The following MACROD2 variants were observed in gnomAD, a reference collection of about 807,000 sequenced individuals.
The protein encoded by MACROD2 is ADP-ribose glycohydrolase MACROD2.
MACROD2 carries 36 observed loss-of-function variants against 70.4 expected under a neutral mutation model. The ratio of observed to expected loss-of-function variants is 0.51; its 90% CI spans 0.39 to 0.68. The LOEUF is 0.68. Among genes scored for constraint, MACROD2 ranks in the 30% least tolerant of loss-of-function variants. The probability of loss-of-function intolerance (pLI) is 0.00; values close to 1 mark genes in which losing one functional copy is unlikely to be tolerated. For missense variants in MACROD2, 496 were observed against 538.4 expected (o/e 0.92, Z 0.78); for synonymous variants, 172 against 178.8 (o/e 0.96, Z 0.30).
intron 8 of MACROD2, among the ~76,000 whole-genome samples, chr20:15,501,220 C>T (rs1247459206): frequency 1.3e-5 from 2 of 152,162 alleles, no homozygotes; most frequent in Non-Finnish European, 2.9e-5. Context: ...GTAAATGTTC[C>T]ACACCTGGAT....
Position 14,547,195 on chromosome 20 carries a change from T to G in MACROD2, c.301+53687T>G, listed in dbSNP as rs564195598. The G allele has an allele frequency of 1.4e-5, 6 of 428,048 alleles. No homozygotes were observed. In the East Asian group the frequency reaches 4.4e-4, roughly 31 times the overall value. The allele number at this position is 428,048 out of a possible 1,614,324, so 26.5% of individuals were successfully genotyped here. A position where few individuals can be genotyped will look rare whatever the true frequency, so the allele number is the denominator to read the frequency against. On this transcript the variant is annotated intron_variant, in intron 4 of 17. Coordinates refer to ENST00000684519, the MANE Select transcript of MACROD2 (RefSeq NM_001351661.2). The stretch of plus-strand genomic sequence containing the variant: ...ATGAGAGAGCCTGGCTCAATTAATC[T>G]TATAGGATGTAAGCAGTGCTGCATC...
At chr20:14,629,493 A>G (rs1484278250) in intron 4 of MACROD2, among the ~76,000 whole-genome samples, 1 of 152,210 alleles carries the variant, frequency 6.6e-6, no homozygotes, top group Admixed American at 6.5e-5. Context: ...ATGAATTGCA[A>G]TATTTACTTA....
chr20:14,188,957 A>G (rs1166276272), intron 3 of MACROD2, among the ~76,000 whole-genome samples: 3 of 152,050 alleles, frequency 2.0e-5, no homozygotes, highest in African/African-American at 4.8e-5. Context: ...TTCTCATTCT[A>G]TTTCACTTAA....
At chr20:14,322,581 T>C (rs554200157) in intron 3 of MACROD2, among the ~76,000 whole-genome samples, 1 of 152,252 alleles carries the variant, frequency 6.6e-6, no homozygotes, top group South Asian at 2.1e-4. Context: ...CACATTCATC[T>C]TTTAAGTTGT....
At chr20:15,170,182 A>G (rs1410418301) in intron 5 of MACROD2, among the ~76,000 whole-genome samples, 1 of 152,220 alleles carries the variant, frequency 6.6e-6, no homozygotes, top group African/African-American at 2.4e-5. Flanking sequence ...CTAAATTCCT[A>G]AATTGAAGAT....
intron 3 of MACROD2, among the ~76,000 whole-genome samples, chr20:14,155,870 T>C (rs1019076189): frequency 1.3e-5 from 2 of 152,230 alleles, no homozygotes; most frequent in Non-Finnish European, 2.9e-5. Context: ...TTACAATGGC[T>C]ACATTAATTA....
chr20:14,191,228 T>C (rs1032745198), intron 3 of MACROD2, among the ~76,000 whole-genome samples: 1 of 152,138 alleles, frequency 6.6e-6, no homozygotes, highest in Non-Finnish European at 1.5e-5. Flanking sequence ...ACACAGAAGC[T>C]CTACTCATCT....
intron 5 of MACROD2, among the ~76,000 whole-genome samples, chr20:15,184,875 G>C (rs2076524362): frequency 6.6e-6 from 1 of 152,210 alleles, no homozygotes; most frequent in South Asian, 2.1e-4. Context: ...ACACCTGCAA[G>C]TCATATTGTT....
chr20:16,021,677 A>C (rs1012799735), intron 15 of MACROD2, among the ~76,000 whole-genome samples: 2 of 152,202 alleles, frequency 1.3e-5, no homozygotes, highest in Admixed American at 6.5e-5. Flanking sequence ...TTACCTATCT[A>C]TGAGGTAGGC....
In MACROD2 at chr20:14,901,924, C is replaced by T. The variant is rs188509554; in HGVS notation, c.418+216965C>T. The stretch of plus-strand genomic sequence containing the variant: ...GAAAAGGCCTTCTTAGATATTCTTA[C>T]TAGGAAATGTAATCTTGAAGTCTAT... On this transcript the variant is annotated intron_variant, in intron 5 of 17. Coordinates refer to ENST00000684519, the MANE Select transcript of MACROD2 (RefSeq NM_001351661.2). Among the ~76,000 whole-genome samples, 237 of 152,134 alleles carry T rather than the reference C, an allele frequency of 1.6e-3. 3 individuals are homozygous for T. Among genetic ancestry groups the T allele is most frequent in the Non-Finnish European group, 2.5e-3 (171 of 67,996 alleles).
chr20:14,788,580 C>CGAAA (rs1491231900), intron 5 of MACROD2, among the ~76,000 whole-genome samples: 3 of 73,282 alleles, frequency 4.1e-5, no homozygotes, highest in African/African-American at 1.7e-4. Flanking sequence ...GATCACATCT[C>CGAAA]AAAAAAAAAA....
intron 3 of MACROD2, among the ~76,000 whole-genome samples, chr20:14,299,476 A>G (rs760373684): frequency 2.6e-5 from 4 of 152,060 alleles, no homozygotes; most frequent in Non-Finnish European, 5.9e-5. Flanking sequence ...GATGAGCAAA[A>G]AAGGGTAGTT....
intron 7 of MACROD2, among the ~76,000 whole-genome samples, chr20:15,487,384 T>G (rs2047175869): frequency 6.6e-6 from 1 of 152,214 alleles, no homozygotes; most frequent in African/African-American, 2.4e-5. Flanking sequence ...TTGGAATGTC[T>G]TTGAAAATGA....
rs74607712 is a variant in MACROD2, at chr20:14,205,004, G to T, written c.271+119276G>T. Among the ~76,000 whole-genome samples, 200 of 152,228 alleles carry T rather than the reference G, an allele frequency of 1.3e-3. 2 individuals carry two copies. The East Asian group carries it at 0.029, about 22-fold the overall frequency. On this transcript the variant is annotated intron_variant, in intron 3 of 17. Transcript: ENST00000684519. ...AATGATAGAGAAGGCTGTAGAGAGA[G>T]GAAATGCTGTAACTAGCTACATATA...
chr20:14,068,459 G>A (rs2053796472), intron 2 of MACROD2, among the ~76,000 whole-genome samples: 1 of 152,162 alleles, frequency 6.6e-6, no homozygotes, highest in African/African-American at 2.4e-5. Flanking sequence ...CCTCATTCTA[G>A]TAGAATGATG....
chr20:15,111,490 T>C (rs2075955317), intron 5 of MACROD2, among the ~76,000 whole-genome samples: 1 of 152,144 alleles, frequency 6.6e-6, no homozygotes, highest in African/African-American at 2.4e-5. Flanking sequence ...TTTTCTATTA[T>C]TATTTTTAAA....
intron 8 of MACROD2, among the ~76,000 whole-genome samples, chr20:15,594,320 C>T (rs2048717593): frequency 6.6e-6 from 1 of 152,088 alleles, no homozygotes; most frequent in Non-Finnish European, 1.5e-5. Flanking sequence ...GCTCTGTGCT[C>T]TATGGAATTC....
At chr20:14,112,756 G>C (rs2148686399) in intron 3 of MACROD2, among the ~76,000 whole-genome samples, 1 of 151,634 alleles carries the variant, frequency 6.6e-6, no homozygotes, top group African/African-American at 2.4e-5. Flanking sequence ...AATTTTTCTG[G>C]AAAAATGACA....
At chr20:15,179,009 A>G (rs1362922303) in intron 5 of MACROD2, among the ~76,000 whole-genome samples, 1 of 152,230 alleles carries the variant, frequency 6.6e-6, no homozygotes, top group Non-Finnish European at 1.5e-5. Context: ...TTACCTGAGC[A>G]AATACTGTAG....
Sources: gnomAD v4.1 joint callset for allele counts (sites outside exome capture counted in the v4.1 genomes callset) on GRCh38, gnomAD v4.1.1 for gene constraint, MANE v1.5 for transcripts, NCBI Gene and HGNC (gene_info 2026-07-23, HGNC 2026-07-21) for gene names.